The following MAGED2 variants were observed in gnomAD, a reference collection of about 807,000 sequenced individuals.
The protein encoded by MAGED2 is MAGE family member D2.
In MAGED2, 6 loss-of-function variants were observed where a neutral mutation model predicts 41.7. That is an observed-to-expected ratio of 0.14 (90% CI 0.08 to 0.28). The LOEUF is 0.28. Ranked by LOEUF, MAGED2 falls within the 10% of genes least tolerant of loss-of-function variation. The probability of loss-of-function intolerance (pLI) is 1.00; values close to 1 mark genes in which losing one functional copy is unlikely to be tolerated. For missense variants in MAGED2, 343 were observed against 486.4 expected, an observed-to-expected ratio of 0.71 and a Z score of 2.77; for synonymous variants, 146 against 178.2, an observed-to-expected ratio of 0.82 and a Z score of 1.44.
intron 9 of MAGED2, 133 bp downstream of exon 9, chrX:54,813,293 T>C (rs1929862149): frequency 9.9e-7 from 1 of 1,010,509 alleles, no homozygotes; most frequent in Non-Finnish European, 1.4e-6. Flanking sequence ...CCCAGGGTTC[T>C]GACCTGGGTG....
At chrX:54,813,222 C>T in intron 9 of MAGED2, 62 bp downstream of exon 9, 1 of 1,205,042 alleles carries the variant, frequency 8.3e-7, no homozygotes, top group Non-Finnish European at 1.1e-6. Flanking sequence ...GAGGACGGTC[C>T]TAGGATTGCA....
intron 1 of MAGED2, 94 bp from the exon 2 acceptor site, chrX:54,809,209 G>C: frequency 1.7e-6 from 1 of 601,279 alleles, no homozygotes; most frequent in Non-Finnish European, 2.8e-6. Context: ...GGTTGGAATT[G>C]GGGACCTACG....
chrX:54,811,050 G>C lies in MAGED2; in HGVS notation c.767G>C (p.Arg256Pro). 3 of 1,199,487 alleles carry C rather than the reference G, an allele frequency of 2.5e-6. No homozygotes were observed. Among genetic ancestry groups the C allele is most frequent in the Non-Finnish European group, 3.4e-6 (3 of 889,292 alleles). The change falls in exon 4 of 13, where the codon CGC (arginine) becomes CCC (proline). Residue 256 changes from arginine to proline, a missense_variant. This residue lies in a region of MAGED2 where 195 missense variants were observed against 221.2 expected (regional missense o/e 0.88). Transcript: ENST00000375068. Reference sequence around the variant, plus strand: ...CCTAAAGCCCGTAGGGGCAAGGCTCGCCGTAGAGCTGCCAAGCTCCAGTCA... The same window carrying C: ...CCTAAAGCCCGTAGGGGCAAGGCTCCCCGTAGAGCTGCCAAGCTCCAGTCA... ...RSPKARRGKA[R>P]RRAAKLQSSQ... is the part of the protein sequence containing the mutation.
intron 2 of MAGED2, 148 bp downstream of exon 2, chrX:54,809,524 A>G: frequency 1.1e-6 from 1 of 871,453 alleles, no homozygotes; most frequent in Admixed American, 2.6e-5. Context: ...GGAGGGAGGG[A>G]GAGAAGGTGG....
intron 9 of MAGED2, 108 bp from the exon 10 acceptor site, chrX:54,813,380 T>A: frequency 1.2e-6 from 1 of 862,749 alleles, no homozygotes; most frequent in Non-Finnish European, 1.7e-6. Context: ...TTCCCTCTTG[T>A]GCTGGAAACC....
intron 1 of MAGED2, chrX:54,809,012 C>T (rs1929710876): frequency 2.9e-6 from 1 of 345,006 alleles, no homozygotes; most frequent in Admixed American, 4.5e-5. Context: ...GGCCCTGCAG[C>T]CGACGCGCAT....
In MAGED2 at chrX:54,815,382, C is replaced by T. The variant is rs370758368; in HGVS notation, c.1521C>T (p.Leu507=). 1.3e-4 allele frequency: 162 copies of T among 1,208,686 alleles called. No homozygotes were observed. The highest frequency in any genetic ancestry group is 3.9e-4 in the East Asian group (13 of 33,688). The change falls in exon 12 of 13, where the codon CTC becomes CTT. Residue 507 remains leucine (L), a synonymous_variant. Transcript: ENST00000375068. ...TTAGAGCTCGAATGGGCATTGGGCT[C>T]GGCTCGGAGAATGCTGCCGGGCCCT... The part of the protein sequence containing the change: ...AEIRARMGIG[L]GSENAAGPCN...
intron 10 of MAGED2, chrX:54,814,406 C>T (rs775753271): frequency 3.0e-5 from 15 of 502,996 alleles, no homozygotes; most frequent in South Asian, 2.5e-4. Flanking sequence ...AAGAATGGCT[C>T]CTCTGTTTAC....
intron 7 of MAGED2, 59 bp downstream of exon 7, chrX:54,812,310 C>A: frequency 4.3e-6 from 3 of 692,553 alleles, no homozygotes; most frequent in East Asian, 3.4e-5. Flanking sequence ...TGCTGCTACT[C>A]CTCCTTTGTC....
chrX:54,808,286 G>C (rs1260782001), intron 1 of MAGED2: 1 of 110,931 alleles, frequency 9.0e-6, no homozygotes, highest in African/African-American at 3.3e-5. Context: ...AGCAGGGAGC[G>C]GGGGAGGGGC....
intron 11 of MAGED2, 108 bp downstream of exon 11, chrX:54,814,883 C>A: frequency 1.8e-6 from 1 of 556,033 alleles, no homozygotes; most frequent in Non-Finnish European, 3.0e-6. Flanking sequence ...TGTTTTGGTG[C>A]TTCTGTTAAT....
intron 3 of MAGED2, 99 bp from the exon 4 acceptor site, chrX:54,810,722 C>T: frequency 2.9e-6 from 2 of 678,923 alleles, no homozygotes; most frequent in Non-Finnish European, 4.4e-6. Flanking sequence ...GCTGTTACTA[C>T]AGGGGTGGGA....
intron 1 of MAGED2, among the ~76,000 whole-genome samples, chrX:54,808,846 C>T (rs1294353517): frequency 1.8e-5 from 2 of 112,517 alleles, no homozygotes; most frequent in African/African-American, 6.5e-5. Context: ...GAGTGCCAGA[C>T]TGAGACCACG....
intron 1 of MAGED2, chrX:54,809,048 G>T (rs906688936): frequency 4.8e-5 from 18 of 371,850 alleles, no homozygotes; most frequent in Middle Eastern, 1.5e-3. Flanking sequence ...GCGGCTGGGT[G>T]GGGGGTGCAC....
intron 9 of MAGED2, 94 bp from the exon 10 acceptor site, chrX:54,813,394 T>C (rs1166271236): frequency 1.1e-6 from 1 of 920,466 alleles, no homozygotes; most frequent in African/African-American, 2.0e-5. Flanking sequence ...GGAAACCTCT[T>C]TTCCATCTTG....
chrX:54,808,769 A>G (rs751186877), intron 1 of MAGED2, among the ~76,000 whole-genome samples: 6 of 110,442 alleles, frequency 5.4e-5, no homozygotes, highest in African/African-American at 2.0e-4. Flanking sequence ...TTTTGGAGGA[A>G]GGCTTGTTGG....
rs147495006 is a variant in MAGED2 at position 54,809,768 on chromosome X, T to G, written c.92T>G (p.Leu31Trp). The change falls in exon 3 of 13, where the codon TTG becomes TGG. Residue 31 changes from leucine (L) to tryptophan (W), a missense_variant. Physicochemically the swap from Leu to Trp is moderately conservative, Grantham distance 61. Coordinates refer to ENST00000375068, the MANE Select transcript of MAGED2 (RefSeq NM_177433.3). The stretch of plus-strand genomic sequence containing the variant: ...AGTAGCTCGATGATGCAGACTCTGT[T>G]GACAGTGACCCAGAATGTGGAGGTC... Reference protein sequence around the residue: ...KDSSSMMQTLLTVTQNVEVPE... With the variant: ...KDSSSMMQTLWTVTQNVEVPE... The G allele has an allele frequency of 1.7e-6, 2 of 1,207,903 alleles. No individual in the cohort carries two copies. Among genetic ancestry groups the G allele is most frequent in the African/African-American group, 3.5e-5 (2 of 57,560 alleles).
In MAGED2 at chrX:54,812,294, G is replaced by T. The variant is rs745838574; in HGVS notation, c.1085+43G>T. 1.3e-5 allele frequency: 11 copies of T among 820,506 alleles called. No homozygotes were observed. In the East Asian group the frequency reaches 3.6e-4, roughly 27 times the overall value. The allele number at this position is 820,506 out of a possible 1,213,427, so 67.6% of individuals were successfully genotyped here. A position where few individuals can be genotyped will look rare whatever the true frequency, so the allele number is the denominator to read the frequency against. ...TGAGGTGTGGGGGGCTTCTGCTTTGGCCATGTGCTGCTACTCCTCCTTTGT... is the reference window on the plus strand; with the variant it reads ...TGAGGTGTGGGGGGCTTCTGCTTTGTCCATGTGCTGCTACTCCTCCTTTGT... On this transcript the variant is annotated intron_variant, in intron 7 of 12. Coordinates refer to ENST00000375068, the MANE Select transcript of MAGED2 (RefSeq NM_177433.3).
intron 10 of MAGED2, among the ~76,000 whole-genome samples, chrX:54,814,134 T>C (rs1172815185): frequency 1.8e-5 from 2 of 112,470 alleles, no homozygotes; most frequent in Non-Finnish European, 3.8e-5. Flanking sequence ...GGTATGGGCC[T>C]GGAGCCCAGT....
Sources: gnomAD v4.1 joint callset for allele counts (sites outside exome capture counted in the v4.1 genomes callset) on GRCh38, gnomAD v4.1.1 for gene constraint, gnomAD v4.1.1 regional missense constraint, MANE v1.5 for transcripts, NCBI Gene and HGNC (gene_info 2026-07-23, HGNC 2026-07-21) for gene names.